The following INCA1 variants were observed in gnomAD, a reference collection of about 807,000 sequenced individuals.
INCA1 encodes the protein protein INCA1.
In INCA1, 28 loss-of-function variants were observed where a neutral mutation model predicts 25.7. The observed-to-expected ratio is 1.09, with a 90% CI of 0.81 to 1.49. The LOEUF (loss-of-function observed/expected upper bound fraction) is 1.49, where lower values mean the gene tolerates loss of function less well. INCA1 is among the 40% of genes most tolerant of loss of function. The probability of loss-of-function intolerance (pLI) is 0.00; values close to 1 mark genes in which losing one functional copy is unlikely to be tolerated. For missense variants in INCA1, 309 were observed against 290.9 expected, an observed-to-expected ratio of 1.06 and a Z score of -0.45; for synonymous variants, 111 against 103.6, an observed-to-expected ratio of 1.07 and a Z score of -0.43.
rs1339449589 is a variant in INCA1, at chr17:4,989,477, C to CA, written c.345dup (p.Val116CysfsTer31). ...CTTAGGTCCTCCAGGTGGTAAGTGA[C>CA]AGCCCTCACCCGGGCGGGGACTCCC... On this transcript the variant is annotated frameshift_variant, in exon 5 of 7. Coordinates refer to ENST00000576820, the Ensembl canonical transcript of INCA1. LOFTEE classifies it high-confidence loss of function. The CA allele has an allele frequency of 1.2e-6, 2 of 1,614,070 alleles. No individual in the cohort carries two copies. Among genetic ancestry groups the CA allele is most frequent in the Non-Finnish European group, 1.7e-6 (2 of 1,180,030 alleles).
At chr17:4,993,298 G>C (rs1370682761) in intron 2 of INCA1, among the ~76,000 whole-genome samples, 3 of 152,040 alleles carry the variant, frequency 2.0e-5, no homozygotes, top group Admixed American at 6.5e-5. Flanking sequence ...TCCTGCCTCA[G>C]CCTCCCGAGT....
intron 5 of INCA1, 58 bp from the exon 6 acceptor site, chr17:4,989,002 C>A: frequency 6.6e-7 from 1 of 1,524,574 alleles, no homozygotes. Context: ...CCTGTCTCTC[C>A]ATTCTTCACC....
chr17:4,995,341 G>C (rs1033615363), intron 1 of INCA1, among the ~76,000 whole-genome samples: 7 of 152,210 alleles, frequency 4.6e-5, no homozygotes, highest in Non-Finnish European at 7.3e-5. Context: ...TGCAGAATAA[G>C]TGAAATTTAC....
intron 2 of INCA1, among the ~76,000 whole-genome samples, chr17:4,992,116 CAAT>C: frequency 6.6e-6 from 1 of 152,218 alleles, no homozygotes; most frequent in South Asian, 2.1e-4. Flanking sequence ...ATTATCCATA[CAAT>C]GATAATTATT....
At chr17:4,994,326 G>A (rs1178100781) in intron 2 of INCA1, 68 bp downstream of exon 2, 23 of 1,437,208 alleles carry the variant, frequency 1.6e-5, no homozygotes, top group Non-Finnish European at 2.1e-5. Context: ...TCCTCTTAGG[G>A]AAGGACCCAG....
rs769818323 is a variant in INCA1, at chr17:4,989,605, T to A, written c.218A>T (p.Gln73Leu). 5 of 1,613,944 alleles carry A rather than the reference T, an allele frequency of 3.1e-6. 1 individual carries two copies. The South Asian group carries it at 5.5e-5, about 18-fold the overall frequency. Reference sequence around the variant, plus strand: ...CTGCTCAGGAGGATACAGACCAAGCTGGGAGCAACCAGTGGCTCTCTGTGC... The same window carrying A: ...CTGCTCAGGAGGATACAGACCAAGCAGGGAGCAACCAGTGGCTCTCTGTGC... The change falls in exon 5 of 7, where the codon CAG (glutamine) becomes CTG (leucine). Residue 73 changes from glutamine to leucine, a missense_variant. Gln to Leu is a moderately radical substitution (Grantham distance 113). Coordinates refer to ENST00000576820, the Ensembl canonical transcript of INCA1.
At chr17:4,989,528 C>T in exon 5 of INCA1, 1 of 1,614,252 alleles carries the variant, frequency 6.2e-7, no homozygotes, top group Non-Finnish European at 8.5e-7. Context: ...TGCATTCCTT[C>T]CAAACATGGC....
intron 5 of INCA1, 107 bp downstream of exon 5, chr17:4,989,321 G>T: frequency 9.5e-7 from 1 of 1,047,696 alleles, no homozygotes; most frequent in Non-Finnish European, 1.4e-6. Flanking sequence ...TCCCCTCAAA[G>T]CTCCCCTCAA....
intron 2 of INCA1, among the ~76,000 whole-genome samples, chr17:4,993,171 C>T (rs238226): frequency 0.39 from 59,576 of 151,280 alleles, 13,414 homozygotes; most frequent in Non-Finnish European, 0.53. Flanking sequence ...TGAGCCACCA[C>T]GCCTGACCTT....
chr17:4,988,836 C>T, exon 6 of INCA1: 3 of 1,614,240 alleles, frequency 1.9e-6, no homozygotes, highest in South Asian at 2.2e-5. Context: ...TTGCTCTCTC[C>T]TCTTCCAGAT....
At chr17:4,988,943 G>A (rs146330268) in exon 6 of INCA1, 2 of 1,613,228 alleles carry the variant, frequency 1.2e-6, no homozygotes, top group Non-Finnish European at 8.5e-7. Context: ...GCCTTCTTCA[G>A]TCTGTGGAGA....
chr17:4,990,090 T>G, intron 3 of INCA1, 62 bp downstream of exon 3: 1 of 1,610,992 alleles, frequency 6.2e-7, no homozygotes, highest in South Asian at 1.1e-5. Flanking sequence ...CTATATGGGT[T>G]TATGGTAGTT....
chr17:4,994,446 G>A (rs772716458), exon 2 of INCA1: 44 of 1,613,334 alleles, frequency 2.7e-5, no homozygotes, highest in Middle Eastern at 1.6e-4. Context: ...ATGACTGGAC[G>A]GGGCTGGGTA....
At chr17:4,988,250 G>T in exon 7 of INCA1, 2 of 750,778 alleles carry the variant, frequency 2.7e-6, no homozygotes, top group East Asian at 3.1e-5. Context: ...GAGCCCACGG[G>T]GGCTGTTAAT....
At chr17:4,990,316 C>G in intron 2 of INCA1, 51 bp from the exon 3 acceptor site, 3 of 1,559,780 alleles carry the variant, frequency 1.9e-6, no homozygotes, top group Non-Finnish European at 2.6e-6. Flanking sequence ...TTACAGCAGT[C>G]TACTCATCCC....
exon 7 of INCA1, chr17:4,988,454 T>G (rs1209180568): frequency 1.9e-6 from 3 of 1,613,184 alleles, no homozygotes. Context: ...GTGAAGGGGG[T>G]TCCTTCTGGC....
At chr17:4,988,825 G>T in exon 6 of INCA1, 1 of 1,614,204 alleles carries the variant, frequency 6.2e-7, no homozygotes, top group Non-Finnish European at 8.5e-7. Flanking sequence ...CTGTGGATAG[G>T]TTGCTCTCTC....
chr17:4,993,658 A>C (rs1033486622), intron 2 of INCA1, among the ~76,000 whole-genome samples: 1 of 150,856 alleles, frequency 6.6e-6, no homozygotes, highest in Non-Finnish European at 1.5e-5. Context: ...TTTAGTAGAC[A>C]CGAGTTTCAC....
intron 2 of INCA1, among the ~76,000 whole-genome samples, chr17:4,991,372 A>G (rs956437431): frequency 6.6e-6 from 1 of 152,200 alleles, no homozygotes; most frequent in Non-Finnish European, 1.5e-5. Context: ...TTGGCTACTC[A>G]GGTTATATGA....
Sources: gnomAD v4.1 joint callset for allele counts (sites outside exome capture counted in the v4.1 genomes callset) on GRCh38, gnomAD v4.1.1 for gene constraint, MANE v1.5 for transcripts, NCBI Gene and HGNC (gene_info 2026-07-23, HGNC 2026-07-21) for gene names.